The following ZNF730 variants were observed in gnomAD, a reference collection of about 807,000 sequenced individuals.
The protein encoded by ZNF730 is zinc finger protein 730.
Under a neutral mutation model 12.6 loss-of-function variants are expected in ZNF730, and 12 were observed. The observed-to-expected ratio is 0.95, with a 90% confidence interval of 0.61 to 1.54. The LOEUF (loss-of-function observed/expected upper bound fraction) is 1.54, where lower values mean the gene tolerates loss of function less well. Ranked by LOEUF, ZNF730 falls within the 40% of genes most tolerant of loss-of-function variation. ZNF730 has a pLI of 0.00. For synonymous variants in ZNF730, 194 were observed against 195.8 expected, an observed-to-expected ratio of 0.99 and a Z score of 0.08; for missense variants, 643 against 583.5, an observed-to-expected ratio of 1.10 and a Z score of -1.05.
intron 1 of ZNF730, among the ~76,000 whole-genome samples, chr19:23,079,630 A>G (rs1294043201): frequency 6.6e-6 from 1 of 152,238 alleles, no homozygotes; most frequent in Non-Finnish European, 1.5e-5. Context: ...GGTTAAAAAC[A>G]TGCAATAGTC....
At chr19:23,136,077 T>G (rs1970828472) in intron 3 of ZNF730, 34 bp downstream of exon 3, 1 of 1,450,280 alleles carries the variant, frequency 6.9e-7, no homozygotes, top group Non-Finnish European at 9.2e-7. Context: ...ACAAAACTGA[T>G]AAGAGATCTA....
chr19:23,127,338 CTG>C, intron 1 of ZNF730: 2 of 695,264 alleles, frequency 2.9e-6, no homozygotes, highest in Admixed American at 2.2e-5. Flanking sequence ...ATAGGATGTG[CTG>C]TCACATGACA....
chr19:23,075,791 G>C (rs1165199994), intron 1 of ZNF730, among the ~76,000 whole-genome samples: 4 of 152,020 alleles, frequency 2.6e-5, no homozygotes, highest in East Asian at 3.9e-4. Context: ...CTAAGGTAAA[G>C]TGCAGTGGTG....
At chr19:23,126,405 G>T (rs1175801295) in intron 1 of ZNF730, among the ~76,000 whole-genome samples, 1 of 152,184 alleles carries the variant, frequency 6.6e-6, no homozygotes, top group African/African-American at 2.4e-5. Flanking sequence ...GACTGGCATC[G>T]CCTGTACATG....
At chr19:23,107,931 T>A (rs1248971398) in intron 1 of ZNF730, among the ~76,000 whole-genome samples, 1 of 152,096 alleles carries the variant, frequency 6.6e-6, no homozygotes, top group Non-Finnish European at 1.5e-5. Context: ...TTGTTGTTGT[T>A]GTTTGTTTTT....
At chr19:23,108,910 C>T (rs944287528) in intron 1 of ZNF730, among the ~76,000 whole-genome samples, 9 of 152,076 alleles carry the variant, frequency 5.9e-5, no homozygotes, top group Admixed American at 6.6e-5. Context: ...CCACCATGCA[C>T]GGCTAATTTT....
At chr19:23,083,558 T>A (rs1970004393) in intron 1 of ZNF730, among the ~76,000 whole-genome samples, 1 of 152,162 alleles carries the variant, frequency 6.6e-6, no homozygotes, top group South Asian at 2.1e-4. Flanking sequence ...CAACAGTGTG[T>A]ATGTGTTTCC....
intron 3 of ZNF730, among the ~76,000 whole-genome samples, chr19:23,140,572 C>T (rs1970901205): frequency 6.8e-6 from 1 of 146,744 alleles, no homozygotes; most frequent in Middle Eastern, 3.8e-3. Flanking sequence ...AGTAGCGCCA[C>T]TGCACTCCAG....
rs757870569 is a variant in ZNF730 at position 23,146,443 on chromosome 19, C to G, written c.1399C>G (p.Leu467Val). 1.2e-6 allele frequency: 2 copies of G among 1,612,392 alleles called. No individual in the cohort carries two copies. The highest frequency in any genetic ancestry group is 1.7e-5 in the Admixed American group (1 of 59,958). ...CAAAGCTTTTAACCGGTCCTCAACC[C>G]TCACTACACATAAGATAATTCATTC... ...CGKAFNRSST[L>V]TTHKIIHSGE... Residue 467 changes from leucine (L) to valine (V), a missense_variant, in exon 4 of 4, where the codon CTC becomes GTC. By Grantham distance (32) the Leu-to-Val change is conservative. Transcript: ENST00000597761.
chr19:23,128,303 T>C, intron 1 of ZNF730: 1 of 648,332 alleles, frequency 1.5e-6, no homozygotes, highest in Non-Finnish European at 2.9e-6. Context: ...CACTACTTAA[T>C]GAAGGATGAT....
At chr19:23,098,169 G>A (rs1029509767) in intron 1 of ZNF730, among the ~76,000 whole-genome samples, 2 of 151,734 alleles carry the variant, frequency 1.3e-5, no homozygotes, top group Non-Finnish European at 2.9e-5. Context: ...AGAAGGTATT[G>A]CAATGTATCA....
upstream of ZNF730, among the ~76,000 whole-genome samples, chr19:23,114,300 C>CTTTTTTTTTTTTTTTTT (rs11413226): frequency 1.0e-4 from 12 of 119,540 alleles, 3 homozygotes; most frequent in African/African-American, 2.8e-4. Flanking sequence ...TTTTCTTTTT[C>CTTTTTTTTTTTTTTTTT]TTTTCTTTTT....
intron 1 of ZNF730, among the ~76,000 whole-genome samples, chr19:23,099,090 A>G (rs913938338): frequency 3.3e-5 from 5 of 152,208 alleles, no homozygotes; most frequent in African/African-American, 1.2e-4. Flanking sequence ...ACTATCACAC[A>G]GGGACAGAAC....
intron 1 of ZNF730, among the ~76,000 whole-genome samples, chr19:23,109,395 A>AT (rs538675450): frequency 0.055 from 7,639 of 138,704 alleles, 237 homozygotes; most frequent in Middle Eastern, 0.1. Flanking sequence ...CGCCCAGCTA[A>AT]TTTTTTTTTT....
intron 1 of ZNF730, among the ~76,000 whole-genome samples, chr19:23,121,501 C>A (rs1346030184): frequency 6.6e-6 from 1 of 152,098 alleles, no homozygotes; most frequent in Non-Finnish European, 1.5e-5. Flanking sequence ...GCCACCATGC[C>A]TGGCTAATTT....
At chr19:23,144,941 A>AC (rs1970981318) in intron 3 of ZNF730, among the ~76,000 whole-genome samples, 1 of 152,192 alleles carries the variant, frequency 6.6e-6, no homozygotes, top group South Asian at 2.1e-4. Flanking sequence ...TCTTTTAAAA[A>AC]GGAAACCAAG....
intron 1 of ZNF730, among the ~76,000 whole-genome samples, chr19:23,118,648 T>C (rs1970562250): frequency 1.3e-5 from 2 of 152,212 alleles, no homozygotes; most frequent in African/African-American, 2.4e-5. Flanking sequence ...GACATTAACA[T>C]TGTCTTCACC....
chr19:23,113,016 C>T (rs1426393909), upstream of ZNF730, among the ~76,000 whole-genome samples: 2 of 152,172 alleles, frequency 1.3e-5, no homozygotes, highest in African/African-American at 4.8e-5. Context: ...ACTGTAAAGG[C>T]TATGGTTACA....
In ZNF730 at chr19:23,135,034, G is replaced by A. The variant is rs571525920; in HGVS notation, c.130+828G>A. Reference sequence around the variant, plus strand: ...ACAGATGCTTGAAGGCAGCATGCTCGTTAAGAGTCATCACCACTCCCTAAT... The same window carrying A: ...ACAGATGCTTGAAGGCAGCATGCTCATTAAGAGTCATCACCACTCCCTAAT... On this transcript the variant is annotated intron_variant, in intron 2 of 3. Transcript: ENST00000597761. Among the ~76,000 whole-genome samples, 349 of 120,266 alleles carry A rather than the reference G, an allele frequency of 2.9e-3. 3 individuals carry two copies. The highest frequency in any genetic ancestry group is 7.5e-3 in the South Asian group (24 of 3,212). The allele number at this position is 120,266 out of a possible 152,430, so 78.9% of individuals were successfully genotyped here. A position where few individuals can be genotyped will look rare whatever the true frequency, so the allele number is the denominator to read the frequency against.
Sources: gnomAD v4.1 joint callset for allele counts (sites outside exome capture counted in the v4.1 genomes callset) on GRCh38, gnomAD v4.1.1 for gene constraint, MANE v1.5 for transcripts, NCBI Gene and HGNC (gene_info 2026-07-23, HGNC 2026-07-21) for gene names.